IL6R: variants seen among roughly 807,000 people sequenced by gnomAD.
IL6R encodes interleukin-6 receptor subunit alpha.
In IL6R, 38 loss-of-function variants were observed where a neutral mutation model predicts 48.3. That is an observed-to-expected ratio of 0.79 (90% CI 0.61 to 1.03). The LOEUF (loss-of-function observed/expected upper bound fraction) is 1.03, where lower values mean the gene tolerates loss of function less well. Ranked by LOEUF, IL6R falls within the 50% of genes least tolerant of loss-of-function variation. The pLI, the probability that IL6R is intolerant of heterozygous loss-of-function variation, is 0.00. For synonymous variants in IL6R, 264 were observed against 256.2 expected (o/e 1.03, Z -0.29); for missense variants, 534 against 618.3 (o/e 0.86, Z 1.45).
At chr1:154,420,431 G>C (rs1273714324) in intron 1 of IL6R, among the ~76,000 whole-genome samples, 2 of 151,950 alleles carry the variant, frequency 1.3e-5, no homozygotes, top group Non-Finnish European at 2.9e-5. Context: ...ACCAGGAATA[G>C]AACTCAGGTC....
intron 1 of IL6R, among the ~76,000 whole-genome samples, chr1:154,406,237 T>G (rs1051453067): frequency 1.3e-5 from 2 of 152,188 alleles, no homozygotes; most frequent in Non-Finnish European, 2.9e-5. Context: ...ATGAAGGGAC[T>G]GACATCACGG....
At chr1:154,417,417 C>A (rs181228680) in intron 1 of IL6R, among the ~76,000 whole-genome samples, 13 of 152,334 alleles carry the variant, frequency 8.5e-5, no homozygotes, top group Non-Finnish European at 1.0e-4. Flanking sequence ...GCTGTAGCTT[C>A]TCCTCACTGT....
Position 154,465,230 on chromosome 1 carries a change from A to G in IL6R, c.1257A>G (p.Arg419=), listed in dbSNP as rs1415420764. Residue 419 remains arginine, a synonymous_variant, in exon 10 of 10, where the codon CGA becomes CGG. Coordinates refer to ENST00000368485, the MANE Select transcript of IL6R (RefSeq NM_000565.4). ...GGCAGCTGGTCCCGGAGAGGCCTCG[A>G]CCCACCCCAGTGCTTGTTCCTCTCA... ...SLGQLVPERP[R]PTPVLVPLIS... 6.2e-7 allele frequency: 1 copy of G among 1,613,858 alleles called. No homozygotes were observed. The highest frequency in any genetic ancestry group is 1.3e-5 in the African/African-American group (1 of 74,830).
At chr1:154,414,934 A>G in intron 1 of IL6R, 1 of 1,108,406 alleles carries the variant, frequency 9.0e-7, no homozygotes, top group Non-Finnish European at 1.3e-6. Context: ...GAAGGAGGGG[A>G]TGTCCTCGCA....
At position 154,463,640 on chromosome 1, in the gene IL6R, AGAGG is replaced by A. The variant is rs547827875; in HGVS notation, c.1161-1488_1161-1485del. ...CATGTCAGTCACAAAGTGGGAAGCA[AGAGG>A]GAGGGGCTGAGGCTTGGGGCACTGG... On this transcript the variant is annotated intron_variant, in intron 9 of 9. Transcript: ENST00000368485. Among the ~76,000 whole-genome samples, 49 of 152,286 alleles carry A rather than the reference AGAGG, an allele frequency of 3.2e-4. No homozygotes were observed. In the East Asian group the frequency reaches 9.1e-3, roughly 28 times the overall value.
chr1:154,422,865 G>A (rs1365545498), intron 1 of IL6R, among the ~76,000 whole-genome samples: 1 of 152,188 alleles, frequency 6.6e-6, no homozygotes, highest in Admixed American at 6.5e-5. Flanking sequence ...CTCCTCACCT[G>A]GTTCCTCATC....
At chr1:154,445,600 A>C (rs1690176226) in intron 6 of IL6R, among the ~76,000 whole-genome samples, 1 of 152,078 alleles carries the variant, frequency 6.6e-6, no homozygotes, top group African/African-American at 2.4e-5. Flanking sequence ...AATACAAAAA[A>C]TTAGGCGGGT....
intron 1 of IL6R, among the ~76,000 whole-genome samples, chr1:154,421,046 T>G (rs1280960648): frequency 6.6e-6 from 1 of 152,148 alleles, no homozygotes; most frequent in African/African-American, 2.4e-5. Context: ...CCTTGTCCTC[T>G]CTGCAGAATC....
chr1:154,445,364 C>T (rs962838645), intron 6 of IL6R, among the ~76,000 whole-genome samples: 1 of 152,186 alleles, frequency 6.6e-6, no homozygotes, highest in African/African-American at 2.4e-5. Context: ...TGGGCATTCT[C>T]TGGGCCACAG....
Position 154,466,498 on chromosome 1 carries a change from T to A in IL6R, c.*1118T>A, listed in dbSNP as rs145758823. 1 of 152,204 alleles carries A rather than the reference T, an allele frequency of 6.6e-6. No individual in the cohort carries two copies. Among genetic ancestry groups the A allele is most frequent in the Non-Finnish European group, 1.5e-5 (1 of 68,032 alleles). 9.4% of individuals were successfully genotyped at this position (152,204 alleles called of 1,614,324 possible). On this transcript the variant is annotated 3_prime_UTR_variant, in exon 10 of 10. Transcript: ENST00000368485. ...TGTGTCAGCATAGAAGTAACTTACT[T>A]AGGTGTGGGGGAAGCACCATAACTT...
Position 154,448,169 on chromosome 1 carries a change from C to G in IL6R, c.994C>G (p.Gln332Glu). The change falls in exon 7 of 10, where the codon CAG becomes GAG. Residue 332 changes from glutamine to glutamate, a missense_variant and splice_region_variant. By Grantham distance (29) the Gln-to-Glu change is conservative. Coordinates refer to ENST00000368485, the MANE Select transcript of IL6R (RefSeq NM_000565.4). ...PAENEVSTPMQALTTNKDDDN... is the reference protein window; with the variant it reads ...PAENEVSTPMEALTTNKDDDN... ...TGAGAACGAGGTGTCCACCCCCATG[C>G]AGGTGAGCTCCTGTTCTTGTAAAAG... 1 of 1,612,976 alleles carries G rather than the reference C, an allele frequency of 6.2e-7. No homozygotes were observed. The highest frequency in any genetic ancestry group is 8.5e-7 in the Non-Finnish European group (1 of 1,179,180).
At chr1:154,465,092 G>A in intron 9 of IL6R, 42 bp from the exon 10 acceptor site, 1 of 1,611,882 alleles carries the variant, frequency 6.2e-7, no homozygotes, top group Non-Finnish European at 8.5e-7. Flanking sequence ...CACAGGGGGA[G>A]CTAAAAATCT....
chr1:154,457,318 G>A (rs1313327137), intron 9 of IL6R, among the ~76,000 whole-genome samples: 24 of 51,142 alleles, frequency 4.7e-4, no homozygotes, highest in Admixed American at 2.0e-3. Flanking sequence ...GCAAGACTCC[G>A]TCTCAAAAAA....
At chr1:154,459,972 A>G (rs1691152186) in intron 9 of IL6R, among the ~76,000 whole-genome samples, 1 of 152,094 alleles carries the variant, frequency 6.6e-6, no homozygotes, top group Non-Finnish European at 1.5e-5. Flanking sequence ...GGGGACGGGC[A>G]GAGGGACTTT....
Position 154,429,456 on chromosome 1 carries a change from C to T in IL6R, c.334+12C>T, listed in dbSNP as rs749709843. The T allele has an allele frequency of 1.2e-6, 2 of 1,601,016 alleles. No individual in the cohort carries two copies. Among genetic ancestry groups the T allele is most frequent in the Non-Finnish European group, 1.7e-6 (2 of 1,169,628 alleles). On this transcript the variant is annotated intron_variant, in intron 2 of 9. Transcript: ENST00000368485. ...CTTGCTGGTGGATGGTGAGTTGTGCCTCAGAGGTCCCGGAGATAGTTCCCG... is the reference window on the plus strand; with the variant it reads ...CTTGCTGGTGGATGGTGAGTTGTGCTTCAGAGGTCCCGGAGATAGTTCCCG...
chr1:154,409,158 CAAAT>C (rs1312597818), intron 1 of IL6R, among the ~76,000 whole-genome samples: 1 of 152,136 alleles, frequency 6.6e-6, no homozygotes, highest in Non-Finnish European at 1.5e-5. Flanking sequence ...TAAATGAAAT[CAAAT>C]AAAAACTTAG....
intron 1 of IL6R, among the ~76,000 whole-genome samples, chr1:154,409,425 G>A (rs1047503690): frequency 3.9e-5 from 6 of 152,178 alleles, no homozygotes; most frequent in African/African-American, 1.4e-4. Context: ...TTCAAGCCAG[G>A]CACATCTCTG....
intron 1 of IL6R, among the ~76,000 whole-genome samples, chr1:154,419,372 C>G (rs1174219652): frequency 6.6e-6 from 1 of 152,192 alleles, no homozygotes; most frequent in Non-Finnish European, 1.5e-5. Context: ...CTTGTCCTAG[C>G]CCTCGTGGGA....
At chr1:154,465,014 G>A (rs1691476042) in intron 9 of IL6R, 120 bp from the exon 10 acceptor site, 1 of 1,106,510 alleles carries the variant, frequency 9.0e-7, no homozygotes, top group Non-Finnish European at 1.4e-6. Flanking sequence ...TTGCTCCTTT[G>A]AGCCGAAACC....
Sources: gnomAD v4.1 joint callset for allele counts (sites outside exome capture counted in the v4.1 genomes callset) on GRCh38, gnomAD v4.1.1 for gene constraint, MANE v1.5 for transcripts, NCBI Gene and HGNC (gene_info 2026-07-23, HGNC 2026-07-21) for gene names.